UNKL: variants seen among roughly 807,000 people sequenced by gnomAD.
UNKL encodes the protein putative E3 ubiquitin-protein ligase UNKL.
Under a neutral mutation model 78.0 loss-of-function variants are expected in UNKL, and 60 were observed. The ratio of observed to expected loss-of-function variants is 0.77; its 90% CI spans 0.63 to 0.95. UNKL has a LOEUF of 0.95. UNKL is among the 40% of genes least tolerant of loss of function. UNKL has a pLI of 0.00. For synonymous variants in UNKL, 608 were observed against 474.8 expected (o/e 1.28, Z -3.65); for missense variants, 1,159 against 1,045.7 (o/e 1.11, Z -1.49).
chr16:1,398,681 A>AGAC, intron 5 of UNKL: 1 of 694,534 alleles, frequency 1.4e-6, no homozygotes, highest in South Asian at 2.2e-5. Context: ...TGGGGTCTGC[A>AGAC]CCCCCCCACC....
chr16:1,364,380 A>G lies in UNKL; in HGVS notation c.*1860T>C, dbSNP rs996544595. On this transcript the variant is annotated 3_prime_UTR_variant, in exon 15 of 15. Transcript: ENST00000389221. ...AAAGATTTTTACCTAGACGTTTTGC[A>G]CTTAAAAAATGCTATTAAAAGTCTT... The G allele has an allele frequency of 1.3e-5, 2 of 152,266 alleles. No homozygotes were observed. The highest frequency in any genetic ancestry group is 6.5e-5 in the Admixed American group (1 of 15,280). 9.4% of individuals were successfully genotyped at this position (152,266 alleles called of 1,614,324 possible). A position where few individuals can be genotyped will look rare whatever the true frequency, so the allele number is the denominator to read the frequency against.
chr16:1,386,316 G>A (rs190106430), intron 9 of UNKL, among the ~76,000 whole-genome samples: 1 of 152,190 alleles, frequency 6.6e-6, no homozygotes, highest in South Asian at 2.1e-4. Context: ...ACTTTGGGAG[G>A]CCGAGGTGGG....
At position 1,407,029 on chromosome 16, in the gene UNKL, A is replaced by G. The variant is rs113675085; in HGVS notation, c.288-3685T>C. ...TTGGGCATGGTGGCGCACGCCTGTA[A>G]TCCCAGCTACTCGGGAGGTTGAGGC... is the stretch of plus-strand genomic sequence containing the variant. On this transcript the variant is annotated intron_variant, in intron 2 of 14. Coordinates refer to ENST00000389221, the MANE Select transcript of UNKL (RefSeq NM_001372107.1). 9.4e-3 allele frequency among the ~76,000 whole-genome samples: 1,424 copies of G among 152,016 alleles called. 24 individuals are homozygous for G. Among genetic ancestry groups the G allele is most frequent in the African/African-American group, 0.033 (1,359 of 41,462 alleles).
At chr16:1,370,871 C>G (rs1294036585) in intron 11 of UNKL, among the ~76,000 whole-genome samples, 2 of 152,180 alleles carry the variant, frequency 1.3e-5, no homozygotes, top group African/African-American at 4.8e-5. Flanking sequence ...ATCACGGGGT[C>G]AGGAGATGGA....
At chr16:1,404,855 T>A (rs1272706532) in intron 2 of UNKL, among the ~76,000 whole-genome samples, 2 of 151,830 alleles carry the variant, frequency 1.3e-5, no homozygotes, top group Admixed American at 1.3e-4. Context: ...ATCCACACAA[T>A]GGGGTAAACG....
At chr16:1,394,514 CAG>C (rs1374540165) in intron 6 of UNKL, 35 of 579,520 alleles carry the variant, frequency 6.0e-5, no homozygotes, top group Non-Finnish European at 1.0e-4. Context: ...GCACCAAATT[CAG>C]AGTCTGGTAT....
chr16:1,411,300 G>T (rs2038028707), intron 2 of UNKL, among the ~76,000 whole-genome samples: 1 of 152,166 alleles, frequency 6.6e-6, no homozygotes, highest in South Asian at 2.1e-4. Flanking sequence ...GCAATGAGCT[G>T]AGATCGTACC....
intron 2 of UNKL, among the ~76,000 whole-genome samples, chr16:1,410,573 C>T (rs1305687266): frequency 6.6e-6 from 1 of 152,254 alleles, no homozygotes; most frequent in African/African-American, 2.4e-5. Context: ...CGCCACTGCA[C>T]TCCAGCCTGG....
rs1159014961 is a variant in UNKL, at chr16:1,399,864, T to A, written c.599-355A>T. Among the ~76,000 whole-genome samples the A allele has an allele frequency of 6.6e-6, 1 of 152,142 alleles. No individual in the cohort carries two copies. The highest frequency in any genetic ancestry group is 1.5e-5 in the Non-Finnish European group (1 of 68,024). On this transcript the variant is annotated intron_variant, in intron 4 of 14. Coordinates refer to ENST00000389221, the MANE Select transcript of UNKL (RefSeq NM_001372107.1). This position sits in a 1 kb window ranked among gnomAD's most constrained non-coding sequence, Gnocchi z 5.8. ...GTTCTCCAACTAGAGAGAGGTGATGTGTGCACAGCTTTTGAGAATATGCTA... is the reference window on the plus strand; with the variant it reads ...GTTCTCCAACTAGAGAGAGGTGATGAGTGCACAGCTTTTGAGAATATGCTA...
At chr16:1,394,678 A>G (rs1181250200) in intron 6 of UNKL, among the ~76,000 whole-genome samples, 1 of 152,172 alleles carries the variant, frequency 6.6e-6, no homozygotes, top group Non-Finnish European at 1.5e-5. Flanking sequence ...GGAAGCCCCC[A>G]GTCGGCCTTG....
At chr16:1,380,772 C>A (rs998077155) in intron 10 of UNKL, among the ~76,000 whole-genome samples, 2 of 144,076 alleles carry the variant, frequency 1.4e-5, no homozygotes, top group Middle Eastern at 3.6e-3. Context: ...CCTTTGCGGT[C>A]CAAGCAATTC....
intron 5 of UNKL, among the ~76,000 whole-genome samples, chr16:1,398,073 G>T (rs1020830215): frequency 1.9e-4 from 29 of 152,234 alleles, no homozygotes; most frequent in Non-Finnish European, 4.4e-5. Flanking sequence ...GGGAGAAGCA[G>T]CCGAACCTCC....
chr16:1,369,031 C>A (rs1437726175), intron 12 of UNKL, among the ~76,000 whole-genome samples: 1 of 150,462 alleles, frequency 6.6e-6, no homozygotes, highest in African/African-American at 2.4e-5. Context: ...CAGGCTTGAG[C>A]CACTATGTTG....
intron 6 of UNKL, among the ~76,000 whole-genome samples, chr16:1,394,931 G>A (rs1366808311): frequency 3.9e-5 from 6 of 152,020 alleles, no homozygotes; most frequent in South Asian, 2.1e-4. Flanking sequence ...AGGCTGGAGT[G>A]CAGTCGCAAG....
chr16:1,366,166 G>A lies in UNKL; in HGVS notation c.*74C>T. 7.1e-7 allele frequency: 1 copy of A among 1,406,494 alleles called. No individual in the cohort carries two copies. Among genetic ancestry groups the A allele is most frequent in the Non-Finnish European group, 9.3e-7 (1 of 1,070,948 alleles). 87.1% of individuals were successfully genotyped at this position (1,406,494 alleles called of 1,614,324 possible). The stretch of plus-strand genomic sequence containing the variant: ...CTCACGTCGGTGGCACCAGAAGCGA[G>A]TGACGACATGTCCGTGGTCAGGAGG... On this transcript the variant is annotated 3_prime_UTR_variant, in exon 15 of 15. Coordinates refer to ENST00000389221, the MANE Select transcript of UNKL (RefSeq NM_001372107.1).
intron 10 of UNKL, among the ~76,000 whole-genome samples, chr16:1,378,222 G>A (rs1190989100): frequency 6.6e-6 from 1 of 152,218 alleles, no homozygotes; most frequent in Non-Finnish European, 1.5e-5. Flanking sequence ...ACTGAGGACA[G>A]GCACCGACCC....
At chr16:1,412,808 A>G (rs540347360) in intron 2 of UNKL, among the ~76,000 whole-genome samples, 3 of 152,290 alleles carry the variant, frequency 2.0e-5, no homozygotes, top group South Asian at 4.1e-4. Flanking sequence ...CTGGAATCCC[A>G]GTACTTTGGG....
Position 1,398,495 on chromosome 16 carries a change from TAAC to T in UNKL, c.734+876_734+878del, listed in dbSNP as rs1199491602. On this transcript the variant is annotated intron_variant, in intron 5 of 14. Transcript: ENST00000389221. ...GCTCAGAGGGAGACTGAACGTGGCA[TAAC>T]AACAAGGAGTGGGGCGTCCTTCCCA... The T allele has an allele frequency of 1.4e-5, 17 of 1,243,812 alleles. No individual in the cohort carries two copies. In the South Asian group the frequency reaches 2.0e-4, roughly 14 times the overall value. 77.0% of individuals were successfully genotyped at this position (1,243,812 alleles called of 1,614,324 possible). A position where few individuals can be genotyped will look rare whatever the true frequency, so the allele number is the denominator to read the frequency against.
At position 1,370,199 on chromosome 16, in the gene UNKL, G is replaced by A; in HGVS notation, c.1516C>T (p.Gln506Ter). Residue 506 changes from glutamine to a stop codon, truncating the protein, a stop_gained, in exon 12 of 15, where the codon CAG becomes TAG. Transcript: ENST00000389221. LOFTEE classifies it high-confidence loss of function. ...PVGSSAMTPPQQPPPLRSEPG... is the reference protein window; with the variant it reads ...PVGSSAMTPP ...TCTGAACGCAGGGGTGGCGGCTGCTGGGGAGGCGTCATGGCTGAGGAGCCC... is the reference window on the plus strand; with the variant it reads ...TCTGAACGCAGGGGTGGCGGCTGCTAGGGAGGCGTCATGGCTGAGGAGCCC... The A allele has an allele frequency of 6.6e-7, 1 of 1,523,856 alleles. No homozygotes were observed. The highest frequency in any genetic ancestry group is 8.8e-7 in the Non-Finnish European group (1 of 1,132,776). 94.4% of individuals were successfully genotyped at this position (1,523,856 alleles called of 1,614,324 possible).
Sources: allele counts gnomAD v4.1 joint callset (sites outside exome capture counted in the v4.1 genomes callset), GRCh38; gene constraint gnomAD v4.1.1; non-coding constraint Gnocchi (gnomAD v3.1); transcripts MANE v1.5; gene names NCBI Gene and HGNC (gene_info 2026-07-23, HGNC 2026-07-21).